The following ARMC8 variants were observed in gnomAD, a reference collection of about 807,000 sequenced individuals.
ARMC8 encodes the protein armadillo repeat containing 8, also known as armadillo repeat-containing protein 8.
A neutral mutation model predicts 99.3 loss-of-function variants in ARMC8; 20 were observed. That is an observed-to-expected ratio of 0.20 (90% CI 0.14 to 0.29). The LOEUF (loss-of-function observed/expected upper bound fraction) is 0.29, where lower values mean the gene tolerates loss of function less well. Among genes scored for constraint, ARMC8 ranks in the 10% least tolerant of loss-of-function variants. The probability of loss-of-function intolerance (pLI) is 1.00; values close to 1 mark genes in which losing one functional copy is unlikely to be tolerated. For synonymous variants in ARMC8, 263 were observed against 278.3 expected (o/e 0.95, Z 0.55); for missense variants, 569 against 809.5 (o/e 0.70, Z 3.60).
At chr3:138,207,714 C>T (rs775035377) in intron 1 of ARMC8, among the ~76,000 whole-genome samples, 7 of 152,020 alleles carry the variant, frequency 4.6e-5, no homozygotes, top group Non-Finnish European at 1.0e-4. Flanking sequence ...TTGATATGTT[C>T]GTACAGTTAT....
intron 11 of ARMC8, 135 bp from the exon 12 acceptor site, chr3:138,244,953 T>G (rs925832351): frequency 9.3e-7 from 1 of 1,075,864 alleles, no homozygotes; most frequent in Admixed American, 2.7e-5. Flanking sequence ...CAAAAATAAC[T>G]GGGAAATGTA....
intron 1 of ARMC8, among the ~76,000 whole-genome samples, chr3:138,204,343 A>G (rs1421788246): frequency 6.6e-6 from 1 of 152,196 alleles, no homozygotes; most frequent in Admixed American, 6.5e-5. Context: ...GAACGTTGTT[A>G]CAGTTCTCTC....
chr3:138,208,401 G>A (rs1449693976), intron 1 of ARMC8, among the ~76,000 whole-genome samples: 4 of 152,240 alleles, frequency 2.6e-5, no homozygotes, highest in Non-Finnish European at 5.9e-5. Context: ...GAGAGGCGGA[G>A]GTTGCAAGTG....
chr3:138,279,629 A>G (rs568895825), intron 18 of ARMC8, among the ~76,000 whole-genome samples: 1 of 152,234 alleles, frequency 6.6e-6, no homozygotes, highest in South Asian at 2.1e-4. Flanking sequence ...TTTTTCTTCA[A>G]TTTTGATGGA....
intron 9 of ARMC8, 68 bp downstream of exon 9, chr3:138,237,640 C>G: frequency 7.4e-7 from 1 of 1,342,796 alleles, no homozygotes; most frequent in Non-Finnish European, 1.0e-6. Flanking sequence ...TTTTGGACAA[C>G]CAAATTTGCT....
At chr3:138,271,502 A>G (rs1277365390) in intron 16 of ARMC8, among the ~76,000 whole-genome samples, 1 of 152,202 alleles carries the variant, frequency 6.6e-6, no homozygotes, top group Non-Finnish European at 1.5e-5. Context: ...TCTGACATGC[A>G]CAACTTTAAT....
chr3:138,223,407 G>C lies in ARMC8; in HGVS notation c.213G>C (p.Gln71His). 1.2e-6 allele frequency: 2 copies of C among 1,614,050 alleles called. No homozygotes were observed. Among genetic ancestry groups the C allele is most frequent in the Non-Finnish European group, 1.7e-6 (2 of 1,179,986 alleles). The change falls in exon 4 of 22, where the codon CAG (glutamine) becomes CAC (histidine). Residue 71 changes from glutamine to histidine, a missense_variant. Gln to His is a conservative substitution (Grantham distance 24). Transcript: ENST00000469044. ...GAVPRLLYLL[Q>H]QETSSTELKT... ...TTTTTAGATTGTTGTACTTGCTTCA[G>C]CAAGAAACCTCAAGCACAGAGCTGA...
chr3:138,231,961 CTTTTTTTTTTTTTTTTT>C (rs61298993), intron 6 of ARMC8, among the ~76,000 whole-genome samples: 1 of 58,630 alleles, frequency 1.7e-5, no homozygotes, highest in Non-Finnish European at 2.7e-5. Context: ...CTTGCAATTG[CTTTTTTTTTTTTTTTTT>C]TTTTTTTTTT....
At chr3:138,273,839 C>CA (rs1374808027) in intron 17 of ARMC8, among the ~76,000 whole-genome samples, 1 of 149,266 alleles carries the variant, frequency 6.7e-6, no homozygotes, top group Non-Finnish European at 1.5e-5. Context: ...TTTTTTGAGA[C>CA]AGAGTCTTGC....
At chr3:138,223,297 T>C in intron 3 of ARMC8, 92 bp from the exon 4 acceptor site, 1 of 1,150,414 alleles carries the variant, frequency 8.7e-7, no homozygotes, top group Non-Finnish European at 1.2e-6. Flanking sequence ...CCAACCATAT[T>C]TTTAGTATGT....
intron 1 of ARMC8, among the ~76,000 whole-genome samples, chr3:138,204,372 A>C (rs2044246552): frequency 6.6e-6 from 1 of 152,152 alleles, no homozygotes; most frequent in South Asian, 2.1e-4. Context: ...TGCAGCATCA[A>C]ATTGTCTTCT....
At chr3:138,192,304 G>T (rs2043435343) in intron 1 of ARMC8, among the ~76,000 whole-genome samples, 1 of 134,726 alleles carries the variant, frequency 7.4e-6, no homozygotes, top group South Asian at 2.3e-4. Context: ...TTGAGACGGA[G>T]TCTCCCTCTG....
At chr3:138,288,081 G>A (rs1425853073) in intron 19 of ARMC8, 1 of 158,800 alleles carries the variant, frequency 6.3e-6, no homozygotes, top group Non-Finnish European at 1.4e-5. Flanking sequence ...AAGTTTTTGG[G>A]GATATTCCTT....
chr3:138,278,897 C>G (rs2049582523), intron 18 of ARMC8, among the ~76,000 whole-genome samples: 1 of 152,064 alleles, frequency 6.6e-6, no homozygotes, highest in African/African-American at 2.4e-5. Context: ...AGTCTTGTAT[C>G]CTGCATTCTT....
intron 12 of ARMC8, among the ~76,000 whole-genome samples, chr3:138,249,694 G>A (rs1295164508): frequency 1.3e-5 from 2 of 152,020 alleles, no homozygotes; most frequent in Non-Finnish European, 2.9e-5. Flanking sequence ...ATTCTGCATA[G>A]ACTGATTGAA....
At chr3:138,256,433 G>A (rs548841127) in intron 12 of ARMC8, among the ~76,000 whole-genome samples, 82 of 115,994 alleles carry the variant, frequency 7.1e-4, no homozygotes, top group Non-Finnish European at 9.8e-4. Context: ...TTTTTGAGAC[G>A]GAGTCTCGCT....
Position 138,187,592 on chromosome 3 carries a change from T to G in ARMC8, c.38T>G (p.Val13Gly). ...TTGGAGACCCCAATCCGCATGAGCG[T>G]CCTTTCGGTGAGTGACCCGCCGCGG... ...CLLETPIRMS[V>G]LSEVTASSRH... The change falls in exon 1 of 22, where the codon GTC becomes GGC. Residue 13 changes from valine (V) to glycine (G), a missense_variant. This residue lies in a region of ARMC8 where 342 missense variants were observed against 391.6 expected (regional missense o/e 0.87). Coordinates refer to ENST00000469044, the MANE Select transcript of ARMC8 (RefSeq NM_001363941.2). The G allele has an allele frequency of 6.5e-7, 1 of 1,535,628 alleles. No homozygotes were observed. Among genetic ancestry groups the G allele is most frequent in the Non-Finnish European group, 8.7e-7 (1 of 1,146,572 alleles).
At position 138,263,701 on chromosome 3, in the gene ARMC8, C is replaced by A. The variant is rs768046422; in HGVS notation, c.1135-38C>A. The A allele has an allele frequency of 2.0e-6, 3 of 1,526,328 alleles. No individual in the cohort carries two copies. In the East Asian group the frequency reaches 6.7e-5, roughly 34 times the overall value. The allele number at this position is 1,526,328 out of a possible 1,614,324, so 94.5% of individuals were successfully genotyped here. Reference sequence around the variant, plus strand: ...TACAAGCAGTGAAGTTTGTCACCTTCATGTTGTTATTTATGCAGCATTAAC... The same window carrying A: ...TACAAGCAGTGAAGTTTGTCACCTTAATGTTGTTATTTATGCAGCATTAAC... On this transcript the variant is annotated intron_variant, in intron 12 of 21. Coordinates refer to ENST00000469044, the MANE Select transcript of ARMC8 (RefSeq NM_001363941.2).
intron 18 of ARMC8, among the ~76,000 whole-genome samples, chr3:138,281,279 C>G (rs936117208): frequency 2.6e-5 from 4 of 150,950 alleles, no homozygotes; most frequent in African/African-American, 7.3e-5. Context: ...TGAGTTGGCC[C>G]AATAATTGAT....
Sources: gnomAD v4.1 joint callset for allele counts (sites outside exome capture counted in the v4.1 genomes callset) on GRCh38, gnomAD v4.1.1 for gene constraint, gnomAD v4.1.1 regional missense constraint, MANE v1.5 for transcripts, NCBI Gene and HGNC (gene_info 2026-07-23, HGNC 2026-07-21) for gene names.